Variants in TRDN observed in about 807,000 individuals in gnomAD.
TRDN encodes the protein triadin in skeletal muscle.
A neutral mutation model predicts 149.7 loss-of-function variants in TRDN; 161 were observed. That is an observed-to-expected ratio of 1.08 (90% CI 0.95 to 1.23). The LOEUF (loss-of-function observed/expected upper bound fraction) is 1.23, where lower values mean the gene tolerates loss of function less well. TRDN is among the 50% of genes most tolerant of loss of function. TRDN has a pLI of 0.00. For synonymous variants in TRDN, 294 were observed against 250.5 expected, an observed-to-expected ratio of 1.17 and a Z score of -1.64; for missense variants, 896 against 823.5, an observed-to-expected ratio of 1.09 and a Z score of -1.08.
Position 123,255,088 on chromosome 6 carries a change from C to A in TRDN, c.1944G>T (p.Val648=). 7.2e-7 allele frequency: 1 copy of A among 1,381,046 alleles called. No individual in the cohort carries two copies. The highest frequency in any genetic ancestry group is 1.4e-5 in the South Asian group (1 of 70,848). The allele number at this position is 1,381,046 out of a possible 1,614,324, so 85.5% of individuals were successfully genotyped here. A position where few individuals can be genotyped will look rare whatever the true frequency, so the allele number is the denominator to read the frequency against. ...TRKESLQLHN[V]TKAEKPARVS... ...TACGTAATTCAAGATTACCTTTTGTCACATTGTGTAATTGAAGACTTTCTT... is the reference window on the plus strand; with the variant it reads ...TACGTAATTCAAGATTACCTTTTGTAACATTGTGTAATTGAAGACTTTCTT... Residue 648 remains valine, a synonymous_variant, in exon 37 of 41, where the codon GTG becomes GTT. Transcript: ENST00000334268.
chr6:123,269,899 T>C lies in TRDN; in HGVS notation c.1721-33A>G, dbSNP rs555827973. ...GAATGGAGGCAAGCACATGGCATAT[T>C]GATGAGTACAAACCATGGAAAAAAT... On this transcript the variant is annotated intron_variant, in intron 30 of 40. Coordinates refer to ENST00000334268, the MANE Select transcript of TRDN (RefSeq NM_006073.4). 1.2e-5 allele frequency: 20 copies of C among 1,606,434 alleles called. No individual in the cohort carries two copies. In the African/African-American group the frequency reaches 2.5e-4, roughly 20 times the overall value.
At chr6:123,397,614 T>C (rs1486562472) in intron 12 of TRDN, among the ~76,000 whole-genome samples, 1 of 152,204 alleles carries the variant, frequency 6.6e-6, no homozygotes, top group Non-Finnish European at 1.5e-5. Flanking sequence ...TATTTCACTT[T>C]TAAGATGACG....
chr6:123,522,517 C>CT (rs375665403), intron 5 of TRDN, among the ~76,000 whole-genome samples: 54,682 of 87,864 alleles, frequency 0.62, 17,129 homozygotes, highest in East Asian at 0.71. Context: ...TGCGGTTCCT[C>CT]TTTTTTTTTT....
chr6:123,414,975 A>G (rs1340992551), intron 12 of TRDN, among the ~76,000 whole-genome samples: 1 of 152,186 alleles, frequency 6.6e-6, no homozygotes, highest in Non-Finnish European at 1.5e-5. Flanking sequence ...TTTATATTTA[A>G]GGAGTCCTTT....
chr6:123,509,181 T>C (rs1779058754), intron 7 of TRDN, among the ~76,000 whole-genome samples: 2 of 151,982 alleles, frequency 1.3e-5, no homozygotes, highest in Admixed American at 1.3e-4. Flanking sequence ...TGTGTGTGTA[T>C]GTGTATGTGT....
At chr6:123,578,250 T>C (rs116333525) in intron 1 of TRDN, among the ~76,000 whole-genome samples, 1 of 152,082 alleles carries the variant, frequency 6.6e-6, no homozygotes, top group African/African-American at 2.4e-5. Context: ...GTTTTCCAGA[T>C]TTTTTGTAGT....
chr6:123,624,700 C>T (rs1195262578), intron 1 of TRDN, among the ~76,000 whole-genome samples: 5 of 151,988 alleles, frequency 3.3e-5, no homozygotes, highest in East Asian at 1.9e-4. Context: ...AGAAGAAACT[C>T]GTTTAATGAT....
rs75076992 is a variant in TRDN, at chr6:123,553,311, T to C, written c.233-4699A>G. ...TGACTGCATAGCGCTCAAACCCAAATGATTAACCCCAACCTTAATGCTACC... is the reference window on the plus strand; with the variant it reads ...TGACTGCATAGCGCTCAAACCCAAACGATTAACCCCAACCTTAATGCTACC... On this transcript the variant is annotated intron_variant, in intron 2 of 40. Transcript: ENST00000334268. 6.9e-4 allele frequency among the ~76,000 whole-genome samples: 105 copies of C among 152,196 alleles called. No individual in the cohort carries two copies. In the East Asian group the frequency reaches 9.7e-3, roughly 14 times the overall value.
chr6:123,311,558 T>C (rs1778821486), intron 24 of TRDN, among the ~76,000 whole-genome samples: 1 of 151,972 alleles, frequency 6.6e-6, no homozygotes, highest in South Asian at 2.1e-4. Flanking sequence ...GTTCTACACC[T>C]AAGGTGTTGA....
chr6:123,350,167 A>G (rs1187571468), intron 21 of TRDN: 59 of 970,368 alleles, frequency 6.1e-5, no homozygotes, highest in Non-Finnish European at 7.0e-5. Context: ...ATCTTATTTA[A>G]TTACCTAAAA....
At chr6:123,529,100 C>A in intron 5 of TRDN, 2 of 1,462,784 alleles carry the variant, frequency 1.4e-6, no homozygotes, top group South Asian at 1.4e-5. Flanking sequence ...GCAAATGGTG[C>A]CATCTACATT....
rs930504685 is a variant in TRDN at position 123,636,465 on chromosome 6, T to C, written c.22+289A>G. ...TATCGGCCATCATGTTACATGACCA[T>C]AGCTATTTATAGAGGTGTGAGTAAC... is the stretch of plus-strand genomic sequence containing the variant. On this transcript the variant is annotated intron_variant, in intron 1 of 40. Coordinates refer to ENST00000334268, the MANE Select transcript of TRDN (RefSeq NM_006073.4). 6.6e-5 allele frequency among the ~76,000 whole-genome samples: 10 copies of C among 152,098 alleles called. 1 individual carries two copies. In the South Asian group the frequency reaches 1.7e-3, roughly 25 times the overall value.
At chr6:123,347,541 G>C (rs970077121) in intron 21 of TRDN, among the ~76,000 whole-genome samples, 1 of 151,880 alleles carries the variant, frequency 6.6e-6, no homozygotes. Context: ...GTAATGTAAA[G>C]TATCAGCAAA....
At chr6:123,224,016 A>G (rs1346811597) in intron 39 of TRDN, 77 bp downstream of exon 39, 1 of 564,750 alleles carries the variant, frequency 1.8e-6, no homozygotes, top group Non-Finnish European at 2.4e-6. Flanking sequence ...ATAGCTAGGA[A>G]AAAAAAAAAA....
intron 1 of TRDN, among the ~76,000 whole-genome samples, chr6:123,581,337 C>T (rs956315642): frequency 1.3e-5 from 2 of 152,114 alleles, no homozygotes; most frequent in African/African-American, 4.8e-5. Flanking sequence ...TTGATGAATA[C>T]TGTGATGTGA....
At chr6:123,292,863 G>A (rs1314688629) in intron 24 of TRDN, among the ~76,000 whole-genome samples, 1 of 152,144 alleles carries the variant, frequency 6.6e-6, no homozygotes, top group Admixed American at 6.6e-5. Flanking sequence ...GGGAATGGGA[G>A]CTACAGTTTT....
chr6:123,238,950 C>G (rs952776796), intron 38 of TRDN, among the ~76,000 whole-genome samples: 1 of 152,160 alleles, frequency 6.6e-6, no homozygotes, highest in Non-Finnish European at 1.5e-5. Context: ...AAGCGATTCT[C>G]CTGCCTCAGC....
chr6:123,480,190 T>C (rs1777680600), intron 9 of TRDN, among the ~76,000 whole-genome samples: 1 of 149,060 alleles, frequency 6.7e-6, no homozygotes, highest in African/African-American at 2.5e-5. Flanking sequence ...ATTGTTTAGG[T>C]CCATAATTAA....
intron 1 of TRDN, among the ~76,000 whole-genome samples, chr6:123,631,779 A>C (rs1347844207): frequency 6.6e-6 from 1 of 151,976 alleles, no homozygotes; most frequent in Non-Finnish European, 1.5e-5. Flanking sequence ...AATGAAACTT[A>C]ATGTACCCAT....
Sources: gnomAD v4.1 joint callset for allele counts (sites outside exome capture counted in the v4.1 genomes callset) on GRCh38, gnomAD v4.1.1 for gene constraint, MANE v1.5 for transcripts, NCBI Gene and HGNC (gene_info 2026-07-23, HGNC 2026-07-21) for gene names.